The following AUNIP variants were observed in gnomAD, a reference collection of about 807,000 sequenced individuals.
AUNIP encodes aurora kinase A- and ninein-interacting protein.
AUNIP carries 16 observed loss-of-function variants against 12.2 expected under a neutral mutation model. The observed-to-expected ratio is 1.31, with a 90% CI of 0.88 to 1.99. The LOEUF (loss-of-function observed/expected upper bound fraction) is 1.99, where lower values mean the gene tolerates loss of function less well. Ranked by LOEUF, AUNIP falls within the 30% of genes most tolerant of loss-of-function variation. The pLI is 0.00. For missense variants in AUNIP, 411 were observed against 419.1 expected, an observed-to-expected ratio of 0.98 and a Z score of 0.17; for synonymous variants, 142 against 154.8, an observed-to-expected ratio of 0.92 and a Z score of 0.61.
chr1:25,844,515 G>A (rs1418406051), intron 1 of AUNIP, among the ~76,000 whole-genome samples: 1 of 151,828 alleles, frequency 6.6e-6, no homozygotes, highest in African/African-American at 2.4e-5. Context: ...CTTAAATTAA[G>A]TTTAGCTCTT....
downstream of AUNIP, among the ~76,000 whole-genome samples, chr1:25,833,670 C>T (rs566995250): frequency 2.9e-4 from 44 of 151,898 alleles, no homozygotes; most frequent in Non-Finnish European, 6.0e-4. Context: ...GGGAGAATCA[C>T]TTGCGCCCAG....
downstream of AUNIP, chr1:25,832,272 CTTAGT>C: frequency 8.3e-7 from 1 of 1,198,196 alleles, no homozygotes; most frequent in Non-Finnish European, 1.2e-6. Flanking sequence ...AATGAAGTAT[CTTAGT>C]TTAAAGGGTA....
At chr1:25,841,611 C>T in intron 1 of AUNIP, among the ~76,000 whole-genome samples, 1 of 152,006 alleles carries the variant, frequency 6.6e-6, no homozygotes, top group East Asian at 1.9e-4. Flanking sequence ...GCAACCTCTG[C>T]CTCCTGGGTT....
At position 25,848,483 on chromosome 1, in the gene AUNIP, C is replaced by CAAA. The variant is rs761716480; in HGVS notation, c.78+10794_78+10796dup. On this transcript the variant is annotated intron_variant, in intron 1 of 2. Coordinates refer to ENST00000374298, the MANE Select transcript of AUNIP (RefSeq NM_024037.3). ...GGCAAAAATTTTTGAAACTCCGTCT[C>CAAA]AAAAAAAAAAAAAAAAAAAAAAAGA... is the stretch of plus-strand genomic sequence containing the variant. Among the ~76,000 whole-genome samples the CAAA allele has an allele frequency of 6.6e-3, 413 of 62,338 alleles. 8 individuals carry two copies. Among genetic ancestry groups the CAAA allele is most frequent in the African/African-American group, 0.02 (358 of 17,820 alleles). 40.9% of individuals were successfully genotyped at this position (62,338 alleles called of 152,430 possible). A position where few individuals can be genotyped will look rare whatever the true frequency, so the allele number is the denominator to read the frequency against.
At chr1:25,840,269 G>A (rs1384833200) in intron 1 of AUNIP, among the ~76,000 whole-genome samples, 1 of 152,034 alleles carries the variant, frequency 6.6e-6, no homozygotes, top group Non-Finnish European at 1.5e-5. Flanking sequence ...ACAGATTGGA[G>A]ACTACAGAAG....
At chr1:25,859,038 G>A (rs2048485343) in intron 1 of AUNIP, among the ~76,000 whole-genome samples, 1 of 151,672 alleles carries the variant, frequency 6.6e-6, no homozygotes, top group African/African-American at 2.4e-5. Context: ...CCCTCCCTGC[G>A]CACCGCTCCT....
In AUNIP at chr1:25,834,166, T is replaced by G. The variant is rs2048278192; in HGVS notation, c.*827A>C. On this transcript the variant is annotated 3_prime_UTR_variant, in exon 3 of 3. Transcript: ENST00000374298. ...TATATAACTTTAAAGTGCTGTACAGTTACCACAAAAATAAAATAGGAAACT... is the reference window on the plus strand; with the variant it reads ...TATATAACTTTAAAGTGCTGTACAGGTACCACAAAAATAAAATAGGAAACT... 1 of 985,180 alleles carries G rather than the reference T, an allele frequency of 1.0e-6. No individual in the cohort carries two copies. Among genetic ancestry groups the G allele is most frequent in the Non-Finnish European group, 1.2e-6 (1 of 829,882 alleles). The allele number at this position is 985,180 out of a possible 1,614,324, so 61.0% of individuals were successfully genotyped here.
chr1:25,848,675 C>T (rs2124509084), intron 1 of AUNIP, among the ~76,000 whole-genome samples: 1 of 152,160 alleles, frequency 6.6e-6, no homozygotes, highest in South Asian at 2.1e-4. Context: ...TCAGGCCATG[C>T]ATTAACAGCA....
At chr1:25,836,094 T>TA (rs1454168746) in intron 2 of AUNIP, among the ~76,000 whole-genome samples, 8 of 152,220 alleles carry the variant, frequency 5.3e-5, no homozygotes, top group Non-Finnish European at 1.0e-4. Flanking sequence ...ACCTACCTAA[T>TA]AAAGTCAAAC....
At chr1:25,836,807 T>C (rs753619340) in intron 2 of AUNIP, among the ~76,000 whole-genome samples, 3 of 151,868 alleles carry the variant, frequency 2.0e-5, no homozygotes, top group Non-Finnish European at 4.4e-5. Context: ...ATTTTGAAGG[T>C]TTAGGCAAAG....
At chr1:25,836,729 G>GT (rs888505996) in intron 2 of AUNIP, among the ~76,000 whole-genome samples, 14 of 151,858 alleles carry the variant, frequency 9.2e-5, no homozygotes, top group South Asian at 2.1e-4. Context: ...TTTTTTGTTT[G>GT]TTTTTTTTAA....
intron 1 of AUNIP, among the ~76,000 whole-genome samples, chr1:25,856,382 C>CA (rs2048461075): frequency 6.7e-6 from 1 of 148,668 alleles, no homozygotes; most frequent in African/African-American, 2.5e-5. Context: ...AAAAACAAAA[C>CA]AAACAATAAA....
At chr1:25,856,061 G>A (rs1003590079) in intron 1 of AUNIP, among the ~76,000 whole-genome samples, 2 of 152,106 alleles carry the variant, frequency 1.3e-5, no homozygotes, top group African/African-American at 4.8e-5. Flanking sequence ...GGCAGGATTT[G>A]GGGGTATAAG....
Position 25,838,581 on chromosome 1 carries a change from CATTCAG to C in AUNIP, c.79-1033_79-1028del, listed in dbSNP as rs376249986. Among the ~76,000 whole-genome samples the C allele has an allele frequency of 1.1e-3, 165 of 151,976 alleles. 1 individual carries two copies. Among genetic ancestry groups the C allele is most frequent in the African/African-American group, 3.8e-3 (159 of 41,454 alleles). On this transcript the variant is annotated intron_variant, in intron 1 of 2. Transcript: ENST00000374298. ...TACACAGTTCCCGGCACATAGAAAA[CATTCAG>C]TAGCAGTTGGCTAATATTAAGAGGA...
intron 1 of AUNIP, among the ~76,000 whole-genome samples, chr1:25,839,134 T>C (rs1277193911): frequency 2.0e-5 from 3 of 152,190 alleles, no homozygotes; most frequent in African/African-American, 4.8e-5. Context: ...CAGTAAAGAA[T>C]TGTGATCCTT....
In AUNIP at chr1:25,835,613, C is replaced by G; in HGVS notation, c.454G>C (p.Glu152Gln). The G allele has an allele frequency of 6.2e-7, 1 of 1,614,210 alleles. No individual in the cohort carries two copies. Among genetic ancestry groups the G allele is most frequent in the Non-Finnish European group, 8.5e-7 (1 of 1,180,044 alleles). ...GTATCAGGCTGGAGCAAAGATAGCTCAGTTGAAAATGGGGTTTTCATTCTG... is the reference window on the plus strand; with the variant it reads ...GTATCAGGCTGGAGCAAAGATAGCTGAGTTGAAAATGGGGTTTTCATTCTG... ...HHRMKTPFST[E>Q]LSLLQPDTPD... Residue 152 changes from glutamate to glutamine, a missense_variant, in exon 3 of 3, where the codon GAG becomes CAG. Physicochemically the swap from Glu to Gln is conservative, Grantham distance 29. Transcript: ENST00000374298.
At chr1:25,839,773 C>T (rs995376368) in intron 1 of AUNIP, among the ~76,000 whole-genome samples, 2 of 152,148 alleles carry the variant, frequency 1.3e-5, no homozygotes, top group African/African-American at 4.8e-5. Flanking sequence ...AAGCGATTCT[C>T]CTACCTCAGC....
At chr1:25,845,619 C>T (rs2048376263) in intron 1 of AUNIP, among the ~76,000 whole-genome samples, 1 of 152,292 alleles carries the variant, frequency 6.6e-6, no homozygotes, top group African/African-American at 2.4e-5. Flanking sequence ...TACAAAATCC[C>T]AACATCAGCA....
rs559444486 is a variant in AUNIP at position 25,838,805 on chromosome 1, G to A, written c.79-1251C>T. The stretch of plus-strand genomic sequence containing the variant: ...CTTGTTAAAGAATGCCTGAGAAGTA[G>A]GGCAAATAGGATTATATTCAATTCA... On this transcript the variant is annotated intron_variant, in intron 1 of 2. Coordinates refer to ENST00000374298, the MANE Select transcript of AUNIP (RefSeq NM_024037.3). 3.3e-5 allele frequency among the ~76,000 whole-genome samples: 5 copies of A among 152,272 alleles called. No individual in the cohort carries two copies. The East Asian group carries it at 9.6e-4, about 29-fold the overall frequency.
Sources: gnomAD v4.1 joint callset for allele counts (sites outside exome capture counted in the v4.1 genomes callset) on GRCh38, gnomAD v4.1.1 for gene constraint, MANE v1.5 for transcripts, NCBI Gene and HGNC (gene_info 2026-07-23, HGNC 2026-07-21) for gene names.